The following PCF11 variants were observed in gnomAD, a reference collection of about 807,000 sequenced individuals.
PCF11 encodes the protein PCF11 cleavage and polyadenylation factor subunit.
Under a neutral mutation model 166.1 loss-of-function variants are expected in PCF11, and 19 were observed. The observed-to-expected ratio is 0.11, with a 90% CI of 0.08 to 0.17. PCF11 has a LOEUF of 0.17. Ranked by LOEUF, PCF11 falls within the 10% of genes least tolerant of loss-of-function variation. The probability of loss-of-function intolerance (pLI) is 1.00; values close to 1 mark genes in which losing one functional copy is unlikely to be tolerated. For missense variants in PCF11, 1,565 were observed against 1,855.5 expected (o/e 0.84, Z 2.88); for synonymous variants, 663 against 644.1 (o/e 1.03, Z -0.44).
exon 8 of PCF11, chr11:83,168,453 A>G (rs754111679): frequency 3.1e-6 from 5 of 1,606,764 alleles, no homozygotes; most frequent in Non-Finnish European, 4.3e-6. Flanking sequence ...AGAGATCTCC[A>G]TTCAATGATC....
exon 8 of PCF11, chr11:83,168,434 G>A (rs200011945): frequency 6.3e-6 from 10 of 1,582,274 alleles, no homozygotes; most frequent in South Asian, 4.6e-5. Flanking sequence ...AAAGGTGTGC[G>A]AGAAGAGCAG....
chr11:83,164,111 A>G (rs1044874690), intron 3 of PCF11, 96 bp from the exon 4 acceptor site: 1 of 785,012 alleles, frequency 1.3e-6, no homozygotes, highest in African/African-American at 1.8e-5. Flanking sequence ...TGTGATAGGA[A>G]TTTGGATCAT....
At chr11:83,177,899 G>A in intron 11 of PCF11, 80 bp downstream of exon 11, 1 of 530,486 alleles carries the variant, frequency 1.9e-6, no homozygotes, top group Middle Eastern at 4.9e-4. Context: ...TACTATTAGT[G>A]CTTTCCCTTT....
Position 83,172,168 on chromosome 11 carries a change from A to G in PCF11, c.3757+254A>G, listed in dbSNP as rs764296545. Among the ~76,000 whole-genome samples, 4 of 152,274 alleles carry G rather than the reference A, an allele frequency of 2.6e-5. No homozygotes were observed. In the East Asian group the frequency reaches 5.8e-4, roughly 22 times the overall value. ...CCACTAAACAAAGGGAAGGAAACCTATTGGGTGGAAACTGGGAGTGGGAGG... is the reference window on the plus strand; with the variant it reads ...CCACTAAACAAAGGGAAGGAAACCTGTTGGGTGGAAACTGGGAGTGGGAGG... On this transcript the variant is annotated intron_variant, in intron 9 of 15. Transcript: ENST00000298281.
exon 4 of PCF11, chr11:83,164,234 G>T: frequency 6.2e-7 from 1 of 1,613,364 alleles, no homozygotes; most frequent in Non-Finnish European, 8.5e-7. Context: ...ACCTGGTACA[G>T]TGGTCAGTTC....
At chr11:83,177,739 T>A (rs1565160917) in exon 11 of PCF11, 1 of 1,537,288 alleles carries the variant, frequency 6.5e-7, no homozygotes, top group Admixed American at 2.0e-5. Context: ...CTGCTCAGCC[T>A]CCCCCTGAAG....
exon 11 of PCF11, chr11:83,177,783 C>A: frequency 6.5e-7 from 1 of 1,534,590 alleles, no homozygotes; most frequent in East Asian, 2.5e-5. Context: ...CAAGATGTTC[C>A]AGATCTTACT....
In PCF11 at chr11:83,164,201, T is replaced by C; in HGVS notation, c.508-6T>C. On this transcript the variant is annotated splice_region_variant and splice_polypyrimidine_tract_variant and intron_variant, in intron 3 of 15. Transcript: ENST00000298281. ...TTTTTCTTAAACAAATTGTCTTTTC[T>C]TATAGCCCGAGGAGCCTTCAACACC... The C allele has an allele frequency of 6.3e-7, 1 of 1,590,576 alleles. No individual in the cohort carries two copies. The highest frequency in any genetic ancestry group is 8.5e-7 in the Non-Finnish European group (1 of 1,171,788).
intron 8 of PCF11, among the ~76,000 whole-genome samples, chr11:83,170,634 A>C (rs556603215): frequency 6.6e-6 from 1 of 152,322 alleles, no homozygotes; most frequent in South Asian, 2.1e-4. Context: ...TTTAAAATGC[A>C]TACTGAGACA....
Position 83,167,846 on chromosome 11 carries a change from T to G in PCF11, c.2092+341T>G, listed in dbSNP as rs1860527534. The G allele has an allele frequency of 8.4e-6, 11 of 1,317,044 alleles. No homozygotes were observed. The highest frequency in any genetic ancestry group is 8.9e-6 in the Non-Finnish European group (9 of 1,007,432). The allele number at this position is 1,317,044 out of a possible 1,614,324, so 81.6% of individuals were successfully genotyped here. ...CTGGGAGTCGTACTTATGCTGAGAA[T>G]CTTTCACCCCATGAGGGCCGGAGAA... On this transcript the variant is annotated intron_variant, in intron 7 of 15. Coordinates refer to ENST00000298281, the Ensembl canonical transcript of PCF11. This position sits in a 1 kb window ranked among gnomAD's most constrained non-coding sequence, Gnocchi z 4.2.
intron 1 of PCF11, among the ~76,000 whole-genome samples, chr11:83,161,119 A>T (rs1257733806): frequency 6.6e-6 from 1 of 152,210 alleles, no homozygotes; most frequent in Non-Finnish European, 1.5e-5. Context: ...GCTGTTGTTC[A>T]TCCTGGTAAT....
intron 1 of PCF11, chr11:83,157,882 T>C (rs1860057152): frequency 1.9e-6 from 1 of 532,712 alleles, no homozygotes; most frequent in South Asian, 2.3e-5. Flanking sequence ...CACCGCATTG[T>C]ATATCCCGAC....
At chr11:83,179,790 A>C (rs1320039814) in intron 11 of PCF11, among the ~76,000 whole-genome samples, 2 of 151,684 alleles carry the variant, frequency 1.3e-5, no homozygotes, top group East Asian at 3.9e-4. Flanking sequence ...GGTAGTGGGC[A>C]CTTGTAATCC....
chr11:83,186,197 C>G (rs1331505406), exon 16 of PCF11: 1 of 152,180 alleles, frequency 6.6e-6, no homozygotes, highest in East Asian at 1.9e-4. Context: ...AATAAGCACA[C>G]CAAACTACTG....
At chr11:83,176,039 C>T (rs1464039082) in intron 9 of PCF11, among the ~76,000 whole-genome samples, 1 of 152,140 alleles carries the variant, frequency 6.6e-6, no homozygotes, top group African/African-American at 2.4e-5. Context: ...CCTGTTACGT[C>T]AGGGAGCATT....
chr11:83,170,054 T>C, intron 8 of PCF11, 59 bp downstream of exon 8: 1 of 1,387,776 alleles, frequency 7.2e-7, no homozygotes, highest in Non-Finnish European at 9.6e-7. Context: ...TTTTTAATGT[T>C]TCTAGGAGGG....
exon 12 of PCF11, chr11:83,181,172 G>T (rs1279171590): frequency 6.2e-7 from 1 of 1,608,744 alleles, no homozygotes; most frequent in African/African-American, 1.3e-5. Flanking sequence ...ACTCATAGAC[G>T]TTGGTACTAC....
exon 5 of PCF11, chr11:83,166,060 A>T: frequency 6.2e-7 from 1 of 1,604,966 alleles, no homozygotes. Context: ...AAAAATCAAG[A>T]ATCGGAAAGT....
Position 83,166,989 on chromosome 11 carries a change from TAATC to T in PCF11, c.1818-134_1818-131del. On this transcript the variant is annotated intron_variant, in intron 5 of 15. Transcript: ENST00000298281. ...TTGCTGATTTCATATTTTGTGCTCTTAATCATTTATTTAATTACTTTTTGTGGTT... is the reference window on the plus strand; with the variant it reads ...TTGCTGATTTCATATTTTGTGCTCTTATTTATTTAATTACTTTTTGTGGTT... The T allele has an allele frequency of 5.5e-6, 4 of 722,596 alleles. No individual in the cohort carries two copies. The East Asian group carries it at 1.0e-4, about 19-fold the overall frequency. The allele number at this position is 722,596 out of a possible 1,614,324, so 44.8% of individuals were successfully genotyped here. A position where few individuals can be genotyped will look rare whatever the true frequency, so the allele number is the denominator to read the frequency against.
Sources: allele counts gnomAD v4.1 joint callset (sites outside exome capture counted in the v4.1 genomes callset), GRCh38; gene constraint gnomAD v4.1.1; non-coding constraint Gnocchi (gnomAD v3.1); transcripts MANE v1.5; gene names NCBI Gene and HGNC (gene_info 2026-07-23, HGNC 2026-07-21).